C12orf54: variants seen among roughly 807,000 people sequenced by gnomAD.
The protein encoded by C12orf54 is chromosome 12 open reading frame 54, also known as uncharacterized protein C12orf54.
In C12orf54, 24 loss-of-function variants were observed where a neutral mutation model predicts 26.4. That is an observed-to-expected ratio of 0.91 (90% CI 0.66 to 1.28). C12orf54 has a LOEUF of 1.28. C12orf54 is among the 50% of genes most tolerant of loss of function. C12orf54 has a pLI of 0.00. For missense variants in C12orf54, 154 were observed against 150.9 expected (o/e 1.02, Z -0.11); for synonymous variants, 54 against 47.0 (o/e 1.15, Z -0.61).
Position 48,494,887 on chromosome 12 carries a change from A to G in C12orf54, c.332A>G (p.His111Arg), listed in dbSNP as rs993969074. 2 of 1,613,206 alleles carry G rather than the reference A, an allele frequency of 1.2e-6. No individual in the cohort carries two copies. Among genetic ancestry groups the G allele is most frequent in the Non-Finnish European group, 1.7e-6 (2 of 1,179,080 alleles). Residue 111 changes from histidine (H) to arginine (R), a missense_variant, in exon 8 of 9, where the codon CAC (histidine) becomes CGC (arginine). Transcript: ENST00000548364. ...GAGCAGCCATCAGGAGGCCGTATCCACAACCTGAAGACACAGCTCTTCAGT... is the reference window on the plus strand; with the variant it reads ...GAGCAGCCATCAGGAGGCCGTATCCGCAACCTGAAGACACAGCTCTTCAGT... ...SGEQPSGGRI[H>R]NLKTQLFSQS... is the part of the protein sequence containing the mutation.
chr12:48,480,026 A>G (rs1008860003), upstream of C12orf54, among the ~76,000 whole-genome samples: 3 of 152,080 alleles, frequency 2.0e-5, no homozygotes, highest in African/African-American at 7.2e-5. Flanking sequence ...ATAATGTAAC[A>G]CTAGGTTTGG....
chr12:48,474,775 C>A, the C12orf54 span, among the ~76,000 whole-genome samples: 4 of 152,262 alleles, frequency 2.6e-5, no homozygotes, highest in East Asian at 7.7e-4. Context: ...GAGCCCACCA[C>A]AGCTCAAGGA....
At chr12:48,484,052 GGGTGTGGT>G (rs1954229863) in intron 2 of C12orf54, among the ~76,000 whole-genome samples, 2 of 152,184 alleles carry the variant, frequency 1.3e-5, no homozygotes, top group South Asian at 4.1e-4. Context: ...AAAATTAGCT[GGGTGTGGT>G]GGTGCATGCC....
chr12:48,457,004 C>T, the C12orf54 span, among the ~76,000 whole-genome samples: 3 of 151,956 alleles, frequency 2.0e-5, no homozygotes, highest in Non-Finnish European at 2.9e-5. Context: ...AAAATCTTTC[C>T]TTTCTTGGTG....
At chr12:48,435,170 GATGAA>G in the C12orf54 span, among the ~76,000 whole-genome samples, 1 of 152,174 alleles carries the variant, frequency 6.6e-6, no homozygotes, top group South Asian at 2.1e-4. Context: ...AGCGATAGAA[GATGAA>G]ATGAATGAAA....
intron 5 of C12orf54, 47 bp downstream of exon 5, chr12:48,489,003 CCT>C (rs1937723591): frequency 6.4e-7 from 1 of 1,568,884 alleles, no homozygotes; most frequent in Non-Finnish European, 8.8e-7. Context: ...CCATCATGTG[CCT>C]TGATCCCATT....
the C12orf54 span, among the ~76,000 whole-genome samples, chr12:48,429,394 G>A: frequency 4.6e-5 from 7 of 151,930 alleles, no homozygotes; most frequent in Non-Finnish European, 1.0e-4. Flanking sequence ...GTTTGCTGAC[G>A]ATATGACTGT....
chr12:48,483,160 C>A, intron 1 of C12orf54, 80 bp from the exon 2 acceptor site: 1 of 632,060 alleles, frequency 1.6e-6, no homozygotes, highest in Non-Finnish European at 2.6e-6. Flanking sequence ...CCATTAACTG[C>A]TGGTAGTTCT....
upstream of C12orf54, among the ~76,000 whole-genome samples, chr12:48,482,190 T>C (rs1159091701): frequency 6.6e-6 from 1 of 152,228 alleles, no homozygotes; most frequent in African/African-American, 2.4e-5. Flanking sequence ...CTCTTGAAAT[T>C]GAAAGCCAGA....
chr12:48,457,284 TTGGTGGTGGTGG>T, the C12orf54 span, among the ~76,000 whole-genome samples: 5 of 127,704 alleles, frequency 3.9e-5, no homozygotes, highest in African/African-American at 1.4e-4. Context: ...GTTGTTGTTG[TTGGTGGTGGTGG>T]TGGTGGTGGT....
the C12orf54 span, among the ~76,000 whole-genome samples, chr12:48,426,727 T>C: frequency 6.6e-6 from 1 of 152,196 alleles, no homozygotes; most frequent in Admixed American, 6.5e-5. Context: ...ATGAATGCTT[T>C]TCCATTTGTT....
At chr12:48,458,019 A>G in the C12orf54 span, among the ~76,000 whole-genome samples, 4 of 152,212 alleles carry the variant, frequency 2.6e-5, no homozygotes, top group African/African-American at 9.6e-5. Flanking sequence ...TGAGCCCAGG[A>G]ACAATTGCTG....
chr12:48,474,257 G>C, the C12orf54 span, among the ~76,000 whole-genome samples: 1 of 152,172 alleles, frequency 6.6e-6, no homozygotes, highest in African/African-American at 2.4e-5. Context: ...ATGGAGCCAG[G>C]TGGAGGAGCC....
At chr12:48,484,126 C>T (rs1013865906) in intron 2 of C12orf54, among the ~76,000 whole-genome samples, 4 of 152,044 alleles carry the variant, frequency 2.6e-5, no homozygotes, top group African/African-American at 4.8e-5. Context: ...ACCTGGGAGG[C>T]GGAGGTTGCG....
chr12:48,435,372 C>A, the C12orf54 span, among the ~76,000 whole-genome samples: 1 of 152,190 alleles, frequency 6.6e-6, no homozygotes, highest in Non-Finnish European at 1.5e-5. Flanking sequence ...CCCAATCTAG[C>A]AAGGCAGGCC....
chr12:48,489,022 C>CT, intron 5 of C12orf54, 66 bp downstream of exon 5: 2 of 1,465,810 alleles, frequency 1.4e-6, no homozygotes, highest in South Asian at 2.3e-5. Flanking sequence ...CATTTTTTTT[C>CT]TTACCCTACT....
At chr12:48,448,226 A>G in the C12orf54 span, among the ~76,000 whole-genome samples, 2 of 152,220 alleles carry the variant, frequency 1.3e-5, no homozygotes, top group Admixed American at 6.5e-5. Context: ...GCTAATCAAT[A>G]TGTATTGTTT....
chr12:48,460,927 A>T, the C12orf54 span, among the ~76,000 whole-genome samples: 2 of 151,998 alleles, frequency 1.3e-5, no homozygotes, highest in African/African-American at 2.4e-5. Context: ...AGAGTGAAAA[A>T]CCTAAATGTC....
the C12orf54 span, among the ~76,000 whole-genome samples, chr12:48,468,443 AG>A: frequency 2.4e-4 from 36 of 152,288 alleles, no homozygotes; most frequent in South Asian, 7.2e-3. Flanking sequence ...GAGGGAACAC[AG>A]GGTTTTGAGG....
Sources: gnomAD v4.1 joint callset for allele counts (sites outside exome capture counted in the v4.1 genomes callset) on GRCh38, gnomAD v4.1.1 for gene constraint, MANE v1.5 for transcripts, NCBI Gene and HGNC (gene_info 2026-07-23, HGNC 2026-07-21) for gene names.